Variants in COMMD1 observed in about 807,000 individuals in gnomAD.
COMMD1 encodes the protein copper metabolism domain containing 1, also known as COMM domain-containing protein 1.
A neutral mutation model predicts 17.2 loss-of-function variants in COMMD1; 10 were observed. The ratio of observed to expected loss-of-function variants is 0.58; its 90% CI spans 0.36 to 0.99. The LOEUF (loss-of-function observed/expected upper bound fraction) is 0.99, where lower values mean the gene tolerates loss of function less well. Among genes scored for constraint, COMMD1 ranks in the 50% least tolerant of loss-of-function variants. The probability of loss-of-function intolerance (pLI) is 0.01; values close to 1 mark genes in which losing one functional copy is unlikely to be tolerated. For missense variants in COMMD1, 270 were observed against 231.8 expected (o/e 1.17, Z -1.07); for synonymous variants, 97 against 91.6 (o/e 1.06, Z -0.34).
At position 62,123,271 on chromosome 2, in the gene COMMD1, T is replaced by C. The variant is rs1377507155; in HGVS notation, c.463-12560T>C. On this transcript the variant is annotated intron_variant, in intron 2 of 2. Coordinates refer to ENST00000311832, the MANE Select transcript of COMMD1 (RefSeq NM_152516.4). ...CTGTAATCCCAGCACTTTGGGAGGC[T>C]GAGGCAGGCAGATCATGAGGTCAGG... 3.9e-3 allele frequency among the ~76,000 whole-genome samples: 594 copies of C among 151,036 alleles called. 2 individuals carry two copies. The highest frequency in any genetic ancestry group is 0.014 in the African/African-American group (567 of 40,504).
At chr2:62,039,190 G>T (rs1159058904) in intron 2 of COMMD1, among the ~76,000 whole-genome samples, 1 of 152,174 alleles carries the variant, frequency 6.6e-6, no homozygotes, top group Non-Finnish European at 1.5e-5. Context: ...CTGTAGTTGG[G>T]TTGGATGCTA....
intron 1 of COMMD1, among the ~76,000 whole-genome samples, chr2:61,920,917 A>T (rs1670173162): frequency 6.7e-6 from 1 of 149,306 alleles, no homozygotes; most frequent in Non-Finnish European, 1.5e-5. Context: ...ATATATATGT[A>T]TGTGTATATG....
intron 1 of COMMD1, among the ~76,000 whole-genome samples, chr2:61,962,687 T>C (rs1053042947): frequency 3.3e-5 from 5 of 152,192 alleles, no homozygotes; most frequent in Admixed American, 3.3e-4. Context: ...TGGGAACCCC[T>C]GAATCCCTGG....
chr2:61,964,762 A>G (rs1482749412), intron 1 of COMMD1, among the ~76,000 whole-genome samples: 1 of 152,148 alleles, frequency 6.6e-6, no homozygotes, highest in Non-Finnish European at 1.5e-5. Context: ...AATCCCAGCT[A>G]CTCAGGAGGC....
At chr2:61,892,519 C>A (rs776323774) in intron 1 of COMMD1, among the ~76,000 whole-genome samples, 1 of 151,676 alleles carries the variant, frequency 6.6e-6, no homozygotes, top group Non-Finnish European at 1.5e-5. Flanking sequence ...ACGGTGAAAC[C>A]CTGTCTCTAC....
At chr2:61,975,898 T>C (rs937776921) in intron 1 of COMMD1, among the ~76,000 whole-genome samples, 1 of 152,196 alleles carries the variant, frequency 6.6e-6, no homozygotes, top group African/African-American at 2.4e-5. Context: ...GTGGTCTGTC[T>C]TGGTCGTTGT....
At chr2:62,034,171 G>T (rs1164983568) in intron 2 of COMMD1, among the ~76,000 whole-genome samples, 3 of 151,834 alleles carry the variant, frequency 2.0e-5, no homozygotes, top group Non-Finnish European at 4.4e-5. Context: ...GAAATGTTAG[G>T]TAGGAGACTG....
chr2:62,084,054 G>A (rs1248403211), intron 2 of COMMD1, among the ~76,000 whole-genome samples: 1 of 152,084 alleles, frequency 6.6e-6, no homozygotes, highest in Non-Finnish European at 1.5e-5. Context: ...TGGTTCCTGG[G>A]TTGTTTTTGT....
intron 1 of COMMD1, among the ~76,000 whole-genome samples, chr2:61,951,154 G>A (rs970715473): frequency 1.3e-5 from 2 of 152,076 alleles, no homozygotes; most frequent in African/African-American, 4.8e-5. Context: ...AGTTGGATAA[G>A]GGAAGTTCAG....
intron 1 of COMMD1, among the ~76,000 whole-genome samples, chr2:61,970,885 A>G (rs910038232): frequency 6.6e-6 from 1 of 152,168 alleles, no homozygotes; most frequent in Non-Finnish European, 1.5e-5. Flanking sequence ...ATATTTGGTC[A>G]TAGAATTCAT....
chr2:62,094,087 T>C (rs1037435865), intron 2 of COMMD1, among the ~76,000 whole-genome samples: 1 of 152,188 alleles, frequency 6.6e-6, no homozygotes, highest in Non-Finnish European at 1.5e-5. Context: ...TATGGGAGTT[T>C]CCTGTAATTT....
rs185391132 is a variant in COMMD1 at position 61,999,128 on chromosome 2, A to G, written c.181-1573A>G. On this transcript the variant is annotated intron_variant, in intron 1 of 2. Transcript: ENST00000311832. ...AATATAGGGTTGCCACAGACCTTCA[A>G]TTTGTAAAAAATGCAGTATCTGTGA... is the stretch of plus-strand genomic sequence containing the variant. Among the ~76,000 whole-genome samples the G allele has an allele frequency of 4.2e-3, 641 of 152,352 alleles. 6 individuals are homozygous for G. The highest frequency in any genetic ancestry group is 6.1e-3 in the Non-Finnish European group (415 of 68,040).
At chr2:62,073,986 C>T (rs895652757) in intron 2 of COMMD1, among the ~76,000 whole-genome samples, 2 of 152,120 alleles carry the variant, frequency 1.3e-5, no homozygotes, top group East Asian at 1.9e-4. Flanking sequence ...CATGAGCCAC[C>T]GTGCTAAGCT....
At chr2:62,021,735 C>A (rs907503612) in intron 2 of COMMD1, among the ~76,000 whole-genome samples, 6 of 152,140 alleles carry the variant, frequency 3.9e-5, no homozygotes, top group Non-Finnish European at 7.4e-5. Flanking sequence ...AGTTGGAGGG[C>A]AAGTCTATAT....
chr2:62,073,888 G>C (rs1383885839), intron 2 of COMMD1, among the ~76,000 whole-genome samples: 1 of 152,108 alleles, frequency 6.6e-6, no homozygotes, highest in Non-Finnish European at 1.5e-5. Flanking sequence ...AGTAGAGTCA[G>C]GATTTCACCT....
intron 1 of COMMD1, among the ~76,000 whole-genome samples, chr2:61,920,811 G>C (rs192707560): frequency 5.5e-4 from 83 of 151,814 alleles, no homozygotes; most frequent in Non-Finnish European, 4.6e-4. Context: ...TGATTTTCCA[G>C]TGAGTGCAGA....
intron 1 of COMMD1, among the ~76,000 whole-genome samples, chr2:61,914,961 C>T (rs1341380616): frequency 2.0e-5 from 3 of 151,472 alleles, no homozygotes; most frequent in Non-Finnish European, 2.9e-5. Context: ...TTTGGGATTA[C>T]AGGCATGAGC....
chr2:61,984,830 C>T lies in COMMD1; in HGVS notation c.181-15871C>T, dbSNP rs150603211. The stretch of plus-strand genomic sequence containing the variant: ...AATATTTGCTTTATATATCTGGGTG[C>T]TCTAGTGTCAGTGCATATATATTTA... On this transcript the variant is annotated intron_variant, in intron 1 of 2. Coordinates refer to ENST00000311832, the MANE Select transcript of COMMD1 (RefSeq NM_152516.4). 3.2e-4 allele frequency among the ~76,000 whole-genome samples: 49 copies of T among 151,824 alleles called. 1 individual carries two copies. In the East Asian group the frequency reaches 8.7e-3, roughly 27 times the overall value.
At chr2:61,987,659 C>T (rs1672140282) in intron 1 of COMMD1, among the ~76,000 whole-genome samples, 1 of 152,158 alleles carries the variant, frequency 6.6e-6, no homozygotes, top group African/African-American at 2.4e-5. Context: ...CTGGGTCTTG[C>T]CCAAGGCCCA....
Sources: gnomAD v4.1 joint callset for allele counts (sites outside exome capture counted in the v4.1 genomes callset) on GRCh38, gnomAD v4.1.1 for gene constraint, MANE v1.5 for transcripts, NCBI Gene and HGNC (gene_info 2026-07-23, HGNC 2026-07-21) for gene names.